The following RNF43 variants were observed in gnomAD, a reference collection of about 807,000 sequenced individuals.
RNF43 encodes ring finger protein 43.
RNF43 carries 37 observed loss-of-function variants against 78.4 expected under a neutral mutation model. That is an observed-to-expected ratio of 0.47 (90% CI 0.36 to 0.62). RNF43 has a LOEUF of 0.62. RNF43 is among the 20% of genes least tolerant of loss of function. RNF43 has a pLI of 0.00. For missense variants in RNF43, 774 were observed against 1,007.9 expected, an observed-to-expected ratio of 0.77 and a Z score of 3.14; for synonymous variants, 347 against 395.0, an observed-to-expected ratio of 0.88 and a Z score of 1.44.
chr17:58,353,813 C>T lies in RNF43; in HGVS notation c.*1130G>A. 1 of 200,510 alleles carries T rather than the reference C, an allele frequency of 5.0e-6. No homozygotes were observed. Among genetic ancestry groups the T allele is most frequent in the Non-Finnish European group, 1.0e-5 (1 of 96,880 alleles). The allele number at this position is 200,510 out of a possible 1,614,324, so 12.4% of individuals were successfully genotyped here. A position where few individuals can be genotyped will look rare whatever the true frequency, so the allele number is the denominator to read the frequency against. ...CCACTAACTGAGGGAAAAAGGTTCC[C>T]AGGTGGGGTCCTCTGCCCACTTTGC... is the stretch of plus-strand genomic sequence containing the variant. On this transcript the variant is annotated 3_prime_UTR_variant, in exon 10 of 10. Coordinates refer to ENST00000407977, the MANE Select transcript of RNF43 (RefSeq NM_017763.6).
rs1053953493 is a variant in RNF43 at position 58,417,476 on chromosome 17, G to T, written c.-845C>A. On this transcript the variant is annotated 5_prime_UTR_variant, in exon 1 of 10. Transcript: ENST00000407977. ...TATCTCTGAATCATGGATGGACTTG[G>T]AAAGTTCGGAAGGATTCCGAGTGCT... 2.0e-5 allele frequency: 3 copies of T among 152,224 alleles called. No individual in the cohort carries two copies. The highest frequency in any genetic ancestry group is 7.2e-5 in the African/African-American group (3 of 41,444). The allele number at this position is 152,224 out of a possible 1,614,324, so 9.4% of individuals were successfully genotyped here. A position where few individuals can be genotyped will look rare whatever the true frequency, so the allele number is the denominator to read the frequency against.
At chr17:58,400,784 AT>A (rs1207052786) in intron 2 of RNF43, among the ~76,000 whole-genome samples, 4 of 152,222 alleles carry the variant, frequency 2.6e-5, no homozygotes, top group Non-Finnish European at 4.4e-5. Context: ...TGGGCATATT[AT>A]CTTAATTATT....
chr17:58,364,318 AG>A (rs1048902064), intron 3 of RNF43, among the ~76,000 whole-genome samples: 17 of 152,164 alleles, frequency 1.1e-4, no homozygotes, highest in Non-Finnish European at 2.1e-4. Context: ...AAAAGTGGGG[AG>A]GGATTCAAGG....
chr17:58,362,722 G>A (rs1972864378), intron 5 of RNF43, 74 bp from the exon 6 acceptor site: 4 of 1,169,232 alleles, frequency 3.4e-6, no homozygotes, highest in East Asian at 2.6e-5. Context: ...AAACACAGGA[G>A]CCCGGGAGGC....
intron 2 of RNF43, among the ~76,000 whole-genome samples, chr17:58,408,357 C>T (rs1227182515): frequency 6.6e-6 from 1 of 152,130 alleles, no homozygotes; most frequent in Non-Finnish European, 1.5e-5. Flanking sequence ...GGGCCTGTGG[C>T]ACACACAAAC....
intron 1 of RNF43, 188 bp downstream of exon 1, chr17:58,416,829 A>C (rs1347621452): frequency 6.6e-6 from 1 of 152,230 alleles, no homozygotes; most frequent in Non-Finnish European, 1.5e-5. Context: ...TGCACCCTTA[A>C]GTAAATATAA....
chr17:58,376,751 G>A (rs889599178), intron 2 of RNF43, among the ~76,000 whole-genome samples: 1 of 152,180 alleles, frequency 6.6e-6, no homozygotes, highest in African/African-American at 2.4e-5. Context: ...GACACCAGGG[G>A]AGGGTCAAGA....
chr17:58,404,563 G>A (rs1973866113), intron 2 of RNF43, among the ~76,000 whole-genome samples: 1 of 152,176 alleles, frequency 6.6e-6, no homozygotes, highest in Non-Finnish European at 1.5e-5. Flanking sequence ...TGTCACAGTG[G>A]ATCGGTACAT....
At chr17:58,398,805 T>C (rs946770035) in intron 2 of RNF43, among the ~76,000 whole-genome samples, 9 of 152,216 alleles carry the variant, frequency 5.9e-5, no homozygotes, top group African/African-American at 2.2e-4. Flanking sequence ...CATGCTGGGC[T>C]TTCCTTTTTA....
At chr17:58,399,798 C>T (rs773481062) in intron 2 of RNF43, among the ~76,000 whole-genome samples, 6 of 152,050 alleles carry the variant, frequency 3.9e-5, no homozygotes, top group Admixed American at 6.5e-5. Flanking sequence ...CGTACCACCA[C>T]GCCTGGCTAA....
chr17:58,359,560 C>T (rs949654397), intron 8 of RNF43, among the ~76,000 whole-genome samples: 4 of 151,048 alleles, frequency 2.6e-5, no homozygotes, highest in African/African-American at 7.3e-5. Context: ...GCCAAGATCG[C>T]GCCACTGCAC....
At chr17:58,381,485 G>T (rs1041814522) in intron 2 of RNF43, among the ~76,000 whole-genome samples, 10 of 152,210 alleles carry the variant, frequency 6.6e-5, no homozygotes, top group African/African-American at 2.4e-4. Context: ...GATGCAACAG[G>T]AGAGTGGATT....
At chr17:58,416,727 C>T (rs1567900783) in intron 1 of RNF43, 4 of 152,134 alleles carry the variant, frequency 2.6e-5, no homozygotes, top group Non-Finnish European at 4.4e-5. Context: ...TGAAAAAATA[C>T]AAATAATCTT....
rs200496300 is a variant in RNF43, at chr17:58,354,970, G to A, written c.2325C>T (p.Leu775=). 1.4e-5 allele frequency: 23 copies of A among 1,614,066 alleles called. No individual in the cohort carries two copies. Among genetic ancestry groups the A allele is most frequent in the Middle Eastern group, 3.3e-4 (2 of 6,046 alleles). Residue 775 remains leucine, a synonymous_variant, in exon 10 of 10, where the codon CTC becomes CTT. Transcript: ENST00000407977. The part of the protein sequence containing the change: ...LSAQPGSEEE[L]EELCEQAV Reference sequence around the variant, plus strand: ...ACACAGCCTGTTCACACAGCTCCTCGAGTTCCTCCTCTGAGCCTGTATTTA... The same window carrying A: ...ACACAGCCTGTTCACACAGCTCCTCAAGTTCCTCCTCTGAGCCTGTATTTA...
intron 2 of RNF43, among the ~76,000 whole-genome samples, chr17:58,372,958 G>T (rs762998153): frequency 2.6e-5 from 4 of 152,204 alleles, no homozygotes; most frequent in Non-Finnish European, 5.9e-5. Flanking sequence ...AGGCTGGAAG[G>T]ATCTGCAAGA....
At chr17:58,361,037 T>C in intron 6 of RNF43, 93 bp from the exon 7 acceptor site, 2 of 1,289,866 alleles carry the variant, frequency 1.6e-6, no homozygotes, top group Non-Finnish European at 2.1e-6. Flanking sequence ...GTCACTCAGG[T>C]AGATCACATG....
At chr17:58,389,841 T>C (rs919899950) in intron 2 of RNF43, among the ~76,000 whole-genome samples, 6 of 152,220 alleles carry the variant, frequency 3.9e-5, no homozygotes, top group Non-Finnish European at 7.3e-5. Context: ...CTGTGTACCA[T>C]TGAACAAACA....
chr17:58,363,754 G>T (rs1319444739), intron 3 of RNF43, among the ~76,000 whole-genome samples, 154 bp from the exon 4 acceptor site: 1 of 152,178 alleles, frequency 6.6e-6, no homozygotes. Flanking sequence ...GGGGTCACTG[G>T]GTCTAAGATC....
intron 2 of RNF43, among the ~76,000 whole-genome samples, chr17:58,391,494 C>A (rs540747764): frequency 6.6e-6 from 1 of 152,304 alleles, no homozygotes; most frequent in African/African-American, 2.4e-5. Flanking sequence ...GCTTTGGTGG[C>A]TGTGCACAGA....
Sources: gnomAD v4.1 joint callset for allele counts (sites outside exome capture counted in the v4.1 genomes callset) on GRCh38, gnomAD v4.1.1 for gene constraint, MANE v1.5 for transcripts, NCBI Gene and HGNC (gene_info 2026-07-23, HGNC 2026-07-21) for gene names.